The following POLR2B variants were observed in gnomAD, a reference collection of about 807,000 sequenced individuals.
POLR2B encodes DNA-directed RNA polymerase II subunit RPB2.
Under a neutral mutation model 144.6 loss-of-function variants are expected in POLR2B, and 57 were observed. That is an observed-to-expected ratio of 0.39 (90% confidence interval 0.32 to 0.49). POLR2B has a LOEUF of 0.49. Ranked by LOEUF, POLR2B falls within the 20% of genes least tolerant of loss-of-function variation. The pLI, the probability that POLR2B is intolerant of heterozygous loss-of-function variation, is 0.83. For synonymous variants in POLR2B, 442 were observed against 469.8 expected (o/e 0.94, Z 0.77); for missense variants, 595 against 1,467.4 (o/e 0.41, Z 9.71).
chr4:56,989,281 A>T (rs1490400633), intron 2 of POLR2B, among the ~76,000 whole-genome samples: 1 of 152,244 alleles, frequency 6.6e-6, no homozygotes, highest in African/African-American at 2.4e-5. Flanking sequence ...ATAAAAAACC[A>T]TGGCTATGTA....
chr4:57,024,208 T>A, intron 21 of POLR2B, 96 bp downstream of exon 21: 2 of 640,324 alleles, frequency 3.1e-6, no homozygotes, highest in Non-Finnish European at 5.2e-6. Context: ...GGGTACTTTG[T>A]AAAAAGCTAG....
Position 56,999,748 on chromosome 4 carries a change from T to C in POLR2B, c.867T>C (p.Ile289=). Reference sequence around the variant, plus strand: ...ACAGAGATATTTTAGAACATATTATTTATGATTTTGAAGATCCAGAGATGA... The same window carrying C: ...ACAGAGATATTTTAGAACATATTATCTATGATTTTGAAGATCCAGAGATGA... ...VSDRDILEHI[I]YDFEDPEMME... Residue 289 remains isoleucine (I), a synonymous_variant, in exon 7 of 25, where the codon ATT becomes ATC. Transcript: ENST00000314595. 1 of 1,610,666 alleles carries C rather than the reference T, an allele frequency of 6.2e-7. No homozygotes were observed.
At chr4:57,024,183 C>G (rs1259975117) in intron 21 of POLR2B, 71 bp downstream of exon 21, 1 of 783,782 alleles carries the variant, frequency 1.3e-6, no homozygotes, top group Non-Finnish European at 2.1e-6. Context: ...GGTGATTGCT[C>G]TCACATTTGA....
At chr4:57,021,020 AAC>A (rs1228517465) in intron 17 of POLR2B, 25 bp downstream of exon 17, 1 of 1,251,554 alleles carries the variant, frequency 8.0e-7, no homozygotes, top group South Asian at 1.2e-5. Flanking sequence ...AATTTGTCAA[AAC>A]ACAGATACAG....
chr4:57,028,384 T>G (rs1044073311), intron 23 of POLR2B, among the ~76,000 whole-genome samples: 1 of 152,196 alleles, frequency 6.6e-6, no homozygotes, highest in South Asian at 2.1e-4. Flanking sequence ...GCCTCTCACC[T>G]TGGCCTCCCA....
intron 10 of POLR2B, among the ~76,000 whole-genome samples, chr4:57,008,245 C>G (rs1422703864): frequency 6.9e-6 from 1 of 144,048 alleles, no homozygotes; most frequent in Non-Finnish European, 1.5e-5. Flanking sequence ...TGCTGTCTTG[C>G]CCAGGCTGGA....
At chr4:56,991,034 T>A in intron 3 of POLR2B, 136 bp downstream of exon 3, 2 of 574,362 alleles carry the variant, frequency 3.5e-6, no homozygotes, top group Middle Eastern at 2.9e-4. Flanking sequence ...CGTCAATCAC[T>A]TTCTGATTTA....
In POLR2B at chr4:56,985,989, C is replaced by T. The variant is rs544264778; in HGVS notation, c.20-365C>T. ...ATACCTGTACATGTATGAAATGTTG[C>T]TATAATAGATTGCCCCACCTTAGGG... On this transcript the variant is annotated intron_variant, in intron 1 of 24. Transcript: ENST00000314595. Among the ~76,000 whole-genome samples the T allele has an allele frequency of 2.6e-5, 4 of 152,306 alleles. No individual in the cohort carries two copies. The East Asian group carries it at 5.8e-4, about 22-fold the overall frequency.
At chr4:56,994,929 TGAA>T in intron 5 of POLR2B, 63 bp downstream of exon 5, 5 of 725,700 alleles carry the variant, frequency 6.9e-6, no homozygotes, top group East Asian at 3.4e-5. Flanking sequence ...AAAGTTGAAA[TGAA>T]AAAAAAAAAA....
At chr4:56,986,019 G>A (rs1722316332) in intron 1 of POLR2B, among the ~76,000 whole-genome samples, 1 of 152,174 alleles carries the variant, frequency 6.6e-6, no homozygotes, top group South Asian at 2.1e-4. Flanking sequence ...TTAGGGTATT[G>A]CCCAGTTGTT....
intron 10 of POLR2B, among the ~76,000 whole-genome samples, chr4:57,007,616 A>G (rs927725338): frequency 5.9e-5 from 9 of 152,204 alleles, no homozygotes; most frequent in Non-Finnish European, 1.3e-4. Context: ...CCACATTAGA[A>G]GCCAACTAAG....
chr4:56,982,274 G>A (rs1428242563), intron 1 of POLR2B, among the ~76,000 whole-genome samples: 2 of 151,856 alleles, frequency 1.3e-5, no homozygotes, highest in African/African-American at 2.4e-5. Context: ...TCTCGGTGAA[G>A]GGCACATTTG....
intron 10 of POLR2B, among the ~76,000 whole-genome samples, chr4:57,007,614 G>A (rs552754560): frequency 6.6e-5 from 10 of 152,302 alleles, no homozygotes; most frequent in African/African-American, 2.4e-4. Flanking sequence ...CTCCACATTA[G>A]AAGCCAACTA....
intron 23 of POLR2B, among the ~76,000 whole-genome samples, chr4:57,028,282 A>T (rs1723788727): frequency 6.6e-6 from 1 of 152,124 alleles, no homozygotes; most frequent in South Asian, 2.1e-4. Context: ...AGTGCTTATG[A>T]AGTGTTCCAT....
At chr4:57,014,509 T>C (rs1723304129) in intron 13 of POLR2B, among the ~76,000 whole-genome samples, 1 of 135,602 alleles carries the variant, frequency 7.4e-6, no homozygotes, top group South Asian at 2.4e-4. Flanking sequence ...TTTTTCTTTT[T>C]TTTTTTTTTT....
chr4:57,016,470 G>A (rs1480804681), intron 14 of POLR2B, among the ~76,000 whole-genome samples: 1 of 151,740 alleles, frequency 6.6e-6, no homozygotes, highest in Non-Finnish European at 1.5e-5. Flanking sequence ...GAGCCCAGGA[G>A]TAGTGAGTTT....
chr4:57,012,093 G>C (rs1578580960), intron 13 of POLR2B, among the ~76,000 whole-genome samples: 1 of 151,930 alleles, frequency 6.6e-6, no homozygotes, highest in African/African-American at 2.4e-5. Flanking sequence ...TTTGGGATTA[G>C]GATGGGTTTT....
At position 56,999,751 on chromosome 4, in the gene POLR2B, T is replaced by C. The variant is rs1328924905; in HGVS notation, c.870T>C (p.Tyr290=). ...SDRDILEHII[Y]DFEDPEMMEM... ...GAGATATTTTAGAACATATTATTTA[T>C]GATTTTGAAGATCCAGAGATGATGG... Residue 290 remains tyrosine (Y), a synonymous_variant, in exon 7 of 25, where the codon TAT becomes TAC. Coordinates refer to ENST00000314595, the MANE Select transcript of POLR2B (RefSeq NM_000938.3). The C allele has an allele frequency of 6.2e-7, 1 of 1,610,582 alleles. No homozygotes were observed. The highest frequency in any genetic ancestry group is 1.7e-5 in the Admixed American group (1 of 59,858).
At chr4:56,985,207 T>C in intron 1 of POLR2B, 1 of 497,482 alleles carries the variant, frequency 2.0e-6, no homozygotes, top group Non-Finnish European at 2.6e-6. Flanking sequence ...CTCAGAATAG[T>C]GTATGTCTTT....
Sources: allele counts gnomAD v4.1 joint callset (sites outside exome capture counted in the v4.1 genomes callset), GRCh38; gene constraint gnomAD v4.1.1; transcripts MANE v1.5; gene names NCBI Gene and HGNC (gene_info 2026-07-23, HGNC 2026-07-21).